NOTO: variants seen among roughly 807,000 people sequenced by gnomAD.
NOTO encodes the protein homeobox protein notochord.
In NOTO, 19 loss-of-function variants were observed where a neutral mutation model predicts 20.5. The ratio of observed to expected loss-of-function variants is 0.93; its 90% CI spans 0.65 to 1.36. The LOEUF is 1.36. Among genes scored for constraint, NOTO ranks in the 40% most tolerant of loss-of-function variants. The pLI is 0.00. For synonymous variants in NOTO, 150 were observed against 150.2 expected (o/e 1.00, Z 0.01); for missense variants, 369 against 336.2 (o/e 1.10, Z -0.76).
intron 1 of NOTO, among the ~76,000 whole-genome samples, chr2:73,207,843 A>G (rs1686110072): frequency 6.6e-6 from 1 of 152,096 alleles, no homozygotes; most frequent in African/African-American, 2.4e-5. Flanking sequence ...GCATGAGCCA[A>G]CGTGCTCAGT....
chr2:73,205,883 G>A lies in NOTO; in HGVS notation c.383-2517G>A, dbSNP rs1025095386. ...CGAGTAGCAGGGACCACAGGCATGC[G>A]CTACCATACTCGACTAATTTAAAAC... On this transcript the variant is annotated intron_variant, in intron 1 of 2. Transcript: ENST00000398468. Among the ~76,000 whole-genome samples, 38 of 151,958 alleles carry A rather than the reference G, an allele frequency of 2.5e-4. 2 individuals carry two copies. The highest frequency in any genetic ancestry group is 2.4e-3 in the Admixed American group (37 of 15,246).
At chr2:73,203,838 C>A (rs1187717577) in intron 1 of NOTO, among the ~76,000 whole-genome samples, 1 of 150,004 alleles carries the variant, frequency 6.7e-6, no homozygotes, top group Non-Finnish European at 1.5e-5. Context: ...CGGTGGCTCA[C>A]GCCTGTAATC....
At chr2:73,210,553 A>G (rs914717235) in intron 2 of NOTO, among the ~76,000 whole-genome samples, 1 of 152,238 alleles carries the variant, frequency 6.6e-6, no homozygotes, top group South Asian at 2.1e-4. Context: ...CTGTATCAGC[A>G]TCACCTAGGA....
intron 1 of NOTO, among the ~76,000 whole-genome samples, chr2:73,207,283 C>T (rs1266119375): frequency 1.4e-4 from 22 of 152,116 alleles, no homozygotes; most frequent in Non-Finnish European, 1.5e-4. Flanking sequence ...CCTAAGCAGC[C>T]GGGACCCCAG....
intron 1 of NOTO, among the ~76,000 whole-genome samples, chr2:73,207,117 A>G (rs1686098946): frequency 1.3e-5 from 2 of 152,128 alleles, no homozygotes; most frequent in African/African-American, 4.8e-5. Context: ...CTTAAGGAAC[A>G]CACAGTACAG....
chr2:73,207,958 T>G (rs1686112398), intron 1 of NOTO, among the ~76,000 whole-genome samples: 1 of 152,322 alleles, frequency 6.6e-6, no homozygotes, highest in South Asian at 2.1e-4. Context: ...AGATTTTCTG[T>G]TTTGTCCTGA....
In NOTO at chr2:73,202,916, C is replaced by G; in HGVS notation, c.250C>G (p.Leu84Val). The change falls in exon 1 of 3, where the codon CTG becomes GTG. Residue 84 changes from leucine (L) to valine (V), a missense_variant. Physicochemically the swap from Leu to Val is conservative, Grantham distance 32 (BLOSUM62 1). Coordinates refer to ENST00000398468, the MANE Select transcript of NOTO (RefSeq NM_001134462.2). ...VHPAFWTAAS[L>V]CATGGLPWAC... ...CCCGGCCTTCTGGACCGCTGCTTCC[C>G]TGTGCGCCACCGGGGGTCTGCCCTG... 6.6e-7 allele frequency: 1 copy of G among 1,526,118 alleles called. No homozygotes were observed. The highest frequency in any genetic ancestry group is 8.8e-7 in the Non-Finnish European group (1 of 1,141,076). The allele number at this position is 1,526,118 out of a possible 1,614,324, so 94.5% of individuals were successfully genotyped here.
In NOTO at chr2:73,210,848, G is replaced by A; in HGVS notation, c.675G>A (p.Glu225=). ...TGAGGGCAGCAGTTACATCTGCCGAGGCTGCCTCCCTGGATGAGCCTTCCA... is the reference window on the plus strand; with the variant it reads ...TGAGGGCAGCAGTTACATCTGCCGAAGCTGCCTCCCTGGATGAGCCTTCCA... ...QKLRAAVTSA[E]AASLDEPSSS... The change falls in exon 3 of 3, where the codon GAG becomes GAA. Residue 225 remains glutamate (E), a synonymous_variant. Transcript: ENST00000398468. 6.4e-7 allele frequency: 1 copy of A among 1,551,600 alleles called. No individual in the cohort carries two copies. The highest frequency in any genetic ancestry group is 8.7e-7 in the Non-Finnish European group (1 of 1,146,892).
chr2:73,202,624 C>G lies in NOTO; in HGVS notation c.-43C>G, dbSNP rs983573052. On this transcript the variant is annotated 5_prime_UTR_variant, in exon 1 of 3. Transcript: ENST00000398468. The stretch of plus-strand genomic sequence containing the variant: ...CCTTTTGCAGAATCTTCTCACTTCT[C>G]CCGAGCTCCCTTCCTTGCGTCCGTC... 4 of 1,413,196 alleles carry G rather than the reference C, an allele frequency of 2.8e-6. No homozygotes were observed. Among genetic ancestry groups the G allele is most frequent in the South Asian group, 1.5e-5 (1 of 66,764 alleles). 87.5% of individuals were successfully genotyped at this position (1,413,196 alleles called of 1,614,324 possible).
chr2:73,205,469 G>T (rs757071106), intron 1 of NOTO, among the ~76,000 whole-genome samples: 3 of 152,302 alleles, frequency 2.0e-5, no homozygotes, highest in Non-Finnish European at 4.4e-5. Flanking sequence ...CTGAACTCCA[G>T]CCTGGGCAAC....
intron 2 of NOTO, among the ~76,000 whole-genome samples, chr2:73,208,983 A>G (rs531640103): frequency 6.6e-6 from 1 of 152,160 alleles, no homozygotes; most frequent in African/African-American, 2.4e-5. Context: ...TCAGGAGTTC[A>G]AGACCAGCCC....
chr2:73,202,993 T>C lies in NOTO; in HGVS notation c.327T>C (p.Pro109=), dbSNP rs148083845. 51 of 1,474,432 alleles carry C rather than the reference T, an allele frequency of 3.5e-5. No homozygotes were observed. Among genetic ancestry groups the C allele is most frequent in the Non-Finnish European group, 4.5e-5 (50 of 1,114,246 alleles). 91.3% of individuals were successfully genotyped at this position (1,474,432 alleles called of 1,614,324 possible). Residue 109 remains proline, a synonymous_variant, in exon 1 of 3, where the codon CCT becomes CCC. Transcript: ENST00000398468. ...CCTACCTGAGCGTAGGTTTTTACCC[T>C]GTGCCAGGGCCGCGCGTGGCTCCCG... is the stretch of plus-strand genomic sequence containing the variant. The part of the protein sequence containing the change: ...LPAYLSVGFY[P]VPGPRVAPVC...
chr2:73,207,096 C>G (rs1686098488), intron 1 of NOTO, among the ~76,000 whole-genome samples: 1 of 151,986 alleles, frequency 6.6e-6, no homozygotes, highest in Admixed American at 6.6e-5. Context: ...TGCCCGGCCT[C>G]AACTAGAGCT....
intron 2 of NOTO, 118 bp from the exon 3 acceptor site, chr2:73,210,653 C>A (rs747564052): frequency 3.2e-5 from 25 of 782,450 alleles, no homozygotes; most frequent in Non-Finnish European, 4.6e-5. Context: ...GGAGGAGGTA[C>A]CTCCCTGAGA....
chr2:73,202,887 TC>T lies in NOTO; in HGVS notation c.223del (p.His75ThrfsTer29), dbSNP rs749049754. ...AASQPSGSAC[V>X]HPAFWTAASL... ...TCCCAGCCGTCGGGCTCCGCCTGCGTCCACCCGGCCTTCTGGACCGCTGCTT... is the reference window on the plus strand; with the variant it reads ...TCCCAGCCGTCGGGCTCCGCCTGCGTCACCCGGCCTTCTGGACCGCTGCTT... On this transcript the variant is annotated frameshift_variant, in exon 1 of 3. Coordinates refer to ENST00000398468, the MANE Select transcript of NOTO (RefSeq NM_001134462.2). LOFTEE classifies it high-confidence loss of function. 2.0e-6 allele frequency: 3 copies of T among 1,528,252 alleles called. No homozygotes were observed. In the South Asian group the frequency reaches 3.6e-5, roughly 18 times the overall value. The allele number at this position is 1,528,252 out of a possible 1,614,324, so 94.7% of individuals were successfully genotyped here.
rs1253994045 is a variant in NOTO, at chr2:73,208,546, A to G, written c.529A>G (p.Lys177Glu). ...GGAAGAGTTGGAGAAAGTGTTTGCA[A>G]AACAGCACAATCTGGTGGGGAAGAA... The part of the protein sequence containing the change: ...QLEELEKVFA[K>E]QHNLVGKKRA... The change falls in exon 2 of 3, where the codon AAA (lysine) becomes GAA (glutamate). Residue 177 changes from lysine (K) to glutamate (E), a missense_variant. Transcript: ENST00000398468. 1.2e-5 allele frequency: 18 copies of G among 1,551,540 alleles called. No homozygotes were observed. Among genetic ancestry groups the G allele is most frequent in the Non-Finnish European group, 1.5e-5 (17 of 1,146,976 alleles).
chr2:73,212,345 T>G lies in NOTO; in HGVS notation c.*1416T>G, dbSNP rs889766010. 2 of 152,246 alleles carry G rather than the reference T, an allele frequency of 1.3e-5. No individual in the cohort carries two copies. Among genetic ancestry groups the G allele is most frequent in the Non-Finnish European group, 2.9e-5 (2 of 68,066 alleles). 9.4% of individuals were successfully genotyped at this position (152,246 alleles called of 1,614,324 possible). On this transcript the variant is annotated 3_prime_UTR_variant, in exon 3 of 3. Coordinates refer to ENST00000398468, the MANE Select transcript of NOTO (RefSeq NM_001134462.2). ...ATTTTTTGTAGAGACAACGTCCACT[T>G]GTTGCCCAGGCTGGTCTTGAATTCC...
Position 73,202,575 on chromosome 2 carries a change from C to A in NOTO, c.-92C>A. The A allele has an allele frequency of 7.8e-7, 1 of 1,278,768 alleles. No homozygotes were observed. The highest frequency in any genetic ancestry group is 1.7e-5 in the South Asian group (1 of 60,436). The allele number at this position is 1,278,768 out of a possible 1,614,324, so 79.2% of individuals were successfully genotyped here. On this transcript the variant is annotated 5_prime_UTR_variant, in exon 1 of 3. Coordinates refer to ENST00000398468, the MANE Select transcript of NOTO (RefSeq NM_001134462.2). ...GCCTTCGCCGAGCGCCAGGAGGTTC[C>A]CAGACAACCGGTCTTGCTCGCTGCC...
intron 2 of NOTO, among the ~76,000 whole-genome samples, chr2:73,209,464 T>C (rs1297533346): frequency 7.0e-6 from 1 of 142,492 alleles, no homozygotes; most frequent in Admixed American, 7.0e-5. Context: ...TATGACACTT[T>C]CCTTTCTTCA....
Sources: gnomAD v4.1 joint callset for allele counts (sites outside exome capture counted in the v4.1 genomes callset) on GRCh38, gnomAD v4.1.1 for gene constraint, MANE v1.5 for transcripts, NCBI Gene and HGNC (gene_info 2026-07-23, HGNC 2026-07-21) for gene names.